PIK3R1: variants seen among roughly 807,000 people sequenced by gnomAD.
PIK3R1 encodes phosphoinositide-3-kinase regulatory subunit 1.
In PIK3R1, 29 loss-of-function variants were observed where a neutral mutation model predicts 98.0. The observed-to-expected ratio is 0.30, with a 90% CI of 0.22 to 0.40. The LOEUF (loss-of-function observed/expected upper bound fraction) is 0.40, where lower values mean the gene tolerates loss of function less well. Among genes scored for constraint, PIK3R1 ranks in the 10% least tolerant of loss-of-function variants. PIK3R1 has a pLI of 1.00. For missense variants in PIK3R1, 596 were observed against 872.7 expected, an observed-to-expected ratio of 0.68 and a Z score of 3.99; for synonymous variants, 282 against 311.8, an observed-to-expected ratio of 0.90 and a Z score of 1.01.
chr5:68,216,029 C>T (rs1743857162), intron 1 of PIK3R1, 80 bp downstream of exon 1: 1 of 152,220 alleles, frequency 6.6e-6, no homozygotes. Context: ...CCGCGACTCT[C>T]TTCCTGTCAC....
At chr5:68,293,245 A>G (rs112410619) in intron 9 of PIK3R1, 46 bp downstream of exon 9, 3 of 1,595,366 alleles carry the variant, frequency 1.9e-6, no homozygotes, top group African/African-American at 2.7e-5. Flanking sequence ...GGCTGATATT[A>G]AAACATATTT....
chr5:68,292,481 C>A, intron 8 of PIK3R1, 120 bp downstream of exon 8: 1 of 1,475,018 alleles, frequency 6.8e-7, no homozygotes, highest in Non-Finnish European at 9.3e-7. Flanking sequence ...AGTTGGTTCT[C>A]TTCCAAAGAC....
In PIK3R1 at chr5:68,226,687, G is replaced by A. The variant is rs751272684; in HGVS notation, c.12G>A (p.Glu4=). 1.9e-6 allele frequency: 3 copies of A among 1,612,874 alleles called. No homozygotes were observed. The highest frequency in any genetic ancestry group is 4.5e-5 in the East Asian group (2 of 44,890). The part of the protein sequence containing the change: MSA[E]GYQYRALYDY... The stretch of plus-strand genomic sequence containing the variant: ...GCAGATTTGCAAACATGAGTGCTGA[G>A]GGGTACCAGTACAGAGCGCTGTATG... Residue 4 remains glutamate (E), a synonymous_variant, in exon 2 of 16, where the codon GAG becomes GAA. Coordinates refer to ENST00000521381, the MANE Select transcript of PIK3R1 (RefSeq NM_181523.3).
rs1747805613 is a variant in PIK3R1, at chr5:68,297,653, G to A, written c.*52G>A. ...GAAGTTCAGCCACCCTGAGGCCTCTGGAAAGCAAAGGGCTCCTCTCCAGTC... is the reference window on the plus strand; with the variant it reads ...GAAGTTCAGCCACCCTGAGGCCTCTAGAAAGCAAAGGGCTCCTCTCCAGTC... On this transcript the variant is annotated 3_prime_UTR_variant, in exon 16 of 16. Transcript: ENST00000521381. 4 of 1,447,120 alleles carry A rather than the reference G, an allele frequency of 2.8e-6. No homozygotes were observed. The East Asian group carries it at 9.1e-5, about 33-fold the overall frequency. 89.6% of individuals were successfully genotyped at this position (1,447,120 alleles called of 1,614,324 possible).
chr5:68,258,490 T>C (rs1376870701), intron 2 of PIK3R1, among the ~76,000 whole-genome samples: 1 of 152,238 alleles, frequency 6.6e-6, no homozygotes, highest in Non-Finnish European at 1.5e-5. Context: ...ATTTGTCTTG[T>C]AGCCAGTATC....
intron 2 of PIK3R1, among the ~76,000 whole-genome samples, chr5:68,238,141 G>A (rs1744734628): frequency 6.6e-6 from 1 of 152,232 alleles, no homozygotes; most frequent in African/African-American, 2.4e-5. Flanking sequence ...CAGAGCATCA[G>A]AAAGTCAGGC....
chr5:68,249,793 C>CT (rs1177896529), intron 2 of PIK3R1, among the ~76,000 whole-genome samples: 3 of 152,138 alleles, frequency 2.0e-5, no homozygotes, highest in Non-Finnish European at 4.4e-5. Flanking sequence ...AACATAGATA[C>CT]TTTCTCAGTC....
chr5:68,266,978 T>C (rs548903301), intron 2 of PIK3R1, among the ~76,000 whole-genome samples: 1 of 152,202 alleles, frequency 6.6e-6, no homozygotes, highest in Non-Finnish European at 1.5e-5. Flanking sequence ...TGGGGGCTTC[T>C]GGGTCATACT....
chr5:68,217,653 T>TGTGTGTGTGCGCGCGCGCGCGC lies in PIK3R1; in HGVS notation c.-387+1705_-387+1706insTGTGTGTGCGCGCGCGCGCGCG, dbSNP rs1386976488. Reference sequence around the variant, plus strand: ...GGGTGTGTGTGTGTGTGTGTGTGTGTGCGCGCGCGTGCCTGCGGCTAAAGT... The same window carrying TGTGTGTGTGCGCGCGCGCGCGC: ...GGGTGTGTGTGTGTGTGTGTGTGTGTGTGTGTGTGCGCGCGCGCGCGCGCGCGCGCGTGCCTGCGGCTAAAGT... On this transcript the variant is annotated intron_variant, in intron 1 of 15. Coordinates refer to ENST00000521381, the MANE Select transcript of PIK3R1 (RefSeq NM_181523.3). 239 of 149,362 alleles carry TGTGTGTGTGCGCGCGCGCGCGC rather than the reference T, an allele frequency of 1.6e-3. 2 individuals are homozygous for TGTGTGTGTGCGCGCGCGCGCGC. The highest frequency in any genetic ancestry group is 5.8e-3 in the African/African-American group (232 of 40,124). 9.3% of individuals were successfully genotyped at this position (149,362 alleles called of 1,614,324 possible). A position where few individuals can be genotyped will look rare whatever the true frequency, so the allele number is the denominator to read the frequency against.
intron 1 of PIK3R1, among the ~76,000 whole-genome samples, chr5:68,219,296 GT>G (rs1744008877): frequency 1.3e-5 from 2 of 152,202 alleles, no homozygotes; most frequent in African/African-American, 4.8e-5. Context: ...GGCACCTGTA[GT>G]CAAAATAGTT....
At chr5:68,235,847 C>T (rs1487113173) in intron 2 of PIK3R1, among the ~76,000 whole-genome samples, 2 of 151,706 alleles carry the variant, frequency 1.3e-5, no homozygotes, top group Admixed American at 6.6e-5. Context: ...TGCAAACTTA[C>T]TCTTTGCTAA....
chr5:68,267,551 A>G (rs1746170177), intron 2 of PIK3R1, among the ~76,000 whole-genome samples: 1 of 152,170 alleles, frequency 6.6e-6, no homozygotes, highest in Admixed American at 6.5e-5. Context: ...CCTGCTAGTT[A>G]TCTCTGAAAA....
rs1025496712 is a variant in PIK3R1, at chr5:68,298,654, G to A, written c.*1053G>A. 9 of 232,976 alleles carry A rather than the reference G, an allele frequency of 3.9e-5. No individual in the cohort carries two copies. The highest frequency in any genetic ancestry group is 6.8e-5 in the Non-Finnish European group (8 of 117,864). 14.4% of individuals were successfully genotyped at this position (232,976 alleles called of 1,614,324 possible). A position where few individuals can be genotyped will look rare whatever the true frequency, so the allele number is the denominator to read the frequency against. ...ACAGAGTACTTGGCTGTTAGCCCAA[G>A]GTTAAAAAGTTCATAACAGATTTTT... On this transcript the variant is annotated 3_prime_UTR_variant, in exon 16 of 16. Coordinates refer to ENST00000521381, the MANE Select transcript of PIK3R1 (RefSeq NM_181523.3).
chr5:68,239,114 AG>A (rs1744780466), intron 2 of PIK3R1, among the ~76,000 whole-genome samples: 1 of 152,232 alleles, frequency 6.6e-6, no homozygotes, highest in South Asian at 2.1e-4. Context: ...GCAGGAGCTC[AG>A]GAAAGATACA....
In PIK3R1 at chr5:68,298,936, T is replaced by G. The variant is rs576508749; in HGVS notation, c.*1335T>G. On this transcript the variant is annotated 3_prime_UTR_variant, in exon 16 of 16. Transcript: ENST00000521381. ...GAGGGGGAGGCAAGGTTATATGCAC[T>G]TTCTCATGATTTACAGAGAAGTGAA... The G allele has an allele frequency of 6.1e-4, 143 of 233,558 alleles. No individual in the cohort carries two copies. Among genetic ancestry groups the G allele is most frequent in the African/African-American group, 2.6e-3 (119 of 45,470 alleles). The allele number at this position is 233,558 out of a possible 1,614,324, so 14.5% of individuals were successfully genotyped here. A position where few individuals can be genotyped will look rare whatever the true frequency, so the allele number is the denominator to read the frequency against.
At chr5:68,285,101 C>A (rs1336887388) in intron 7 of PIK3R1, among the ~76,000 whole-genome samples, 2 of 152,132 alleles carry the variant, frequency 1.3e-5, no homozygotes, top group South Asian at 4.1e-4. Flanking sequence ...ACACAGGGTG[C>A]CTTTGAATGA....
At position 68,289,563 on chromosome 5, in the gene PIK3R1, T is replaced by TC. The variant is rs200931773; in HGVS notation, c.917-2688dup. Among the ~76,000 whole-genome samples the TC allele has an allele frequency of 2.5e-3, 375 of 148,314 alleles. 1 individual carries two copies. Among genetic ancestry groups the TC allele is most frequent in the Admixed American group, 5.4e-3 (80 of 14,858 alleles). Reference sequence around the variant, plus strand: ...CACATTTACCTTGGGGAAGAGCCCCTCCCCCCCCGCCATCATAATATTGTG... The same window carrying TC: ...CACATTTACCTTGGGGAAGAGCCCCTCCCCCCCCCGCCATCATAATATTGTG... On this transcript the variant is annotated intron_variant, in intron 7 of 15. Transcript: ENST00000521381.
At chr5:68,222,432 A>T (rs561249886) in intron 1 of PIK3R1, among the ~76,000 whole-genome samples, 2 of 138,224 alleles carry the variant, frequency 1.4e-5, no homozygotes, top group Non-Finnish European at 3.1e-5. Context: ...GGGGCCTGGG[A>T]TAGTGGCAGG....
chr5:68,293,542 T>G, intron 10 of PIK3R1, 59 bp downstream of exon 10: 1 of 1,384,444 alleles, frequency 7.2e-7, no homozygotes, highest in Non-Finnish European at 9.9e-7. Flanking sequence ...CTTTTAATAC[T>G]TAGAAAACAT....
Sources: gnomAD v4.1 joint callset for allele counts (sites outside exome capture counted in the v4.1 genomes callset) on GRCh38, gnomAD v4.1.1 for gene constraint, MANE v1.5 for transcripts, NCBI Gene and HGNC (gene_info 2026-07-23, HGNC 2026-07-21) for gene names.